Variants in FAM193A observed in about 807,000 individuals in gnomAD.
FAM193A encodes family with sequence similarity 193 member A.
In FAM193A, 22 loss-of-function variants were observed where a neutral mutation model predicts 126.5. That is an observed-to-expected ratio of 0.17 (90% CI 0.12 to 0.25). The LOEUF (loss-of-function observed/expected upper bound fraction) is 0.25. Among genes scored for constraint, FAM193A ranks in the 10% least tolerant of loss-of-function variants. The probability of loss-of-function intolerance (pLI) is 1.00; values close to 1 mark genes in which losing one functional copy is unlikely to be tolerated. For missense variants in FAM193A, 1,675 were observed against 1,672.8 expected (o/e 1.00, Z -0.02); for synonymous variants, 761 against 646.8 (o/e 1.18, Z -2.68).
intron 7 of FAM193A, among the ~76,000 whole-genome samples, chr4:2,650,848 C>T (rs1001717707): frequency 1.3e-5 from 2 of 152,192 alleles, no homozygotes; most frequent in African/African-American, 2.4e-5. Flanking sequence ...CCACGGTACA[C>T]TCTAATGGCA....
chr4:2,659,442 C>T (rs1202299741), intron 8 of FAM193A, 116 bp from the exon 9 acceptor site: 9 of 737,500 alleles, frequency 1.2e-5, no homozygotes, highest in East Asian at 5.4e-5. Context: ...GGTCCTGTCC[C>T]GCTGAGGAAG....
intron 19 of FAM193A, among the ~76,000 whole-genome samples, chr4:2,704,261 C>CAAA (rs958166050): frequency 1.1e-5 from 1 of 89,296 alleles, no homozygotes; most frequent in Admixed American, 1.3e-4. Context: ...GACTCCATCT[C>CAAA]AAAAAAAAAA....
intron 5 of FAM193A, among the ~76,000 whole-genome samples, chr4:2,635,916 TCA>T (rs1220591783): frequency 3.3e-5 from 5 of 152,208 alleles, no homozygotes; most frequent in African/African-American, 9.6e-5. Flanking sequence ...TCATCTGCAT[TCA>T]GTCTGTTGTC....
At chr4:2,625,014 C>T (rs924830211) in intron 2 of FAM193A, among the ~76,000 whole-genome samples, 14 of 152,162 alleles carry the variant, frequency 9.2e-5, no homozygotes, top group African/African-American at 3.1e-4. Flanking sequence ...GGCACCAACA[C>T]GCCCGGCCTA....
chr4:2,601,391 C>T (rs145079765), intron 2 of FAM193A, among the ~76,000 whole-genome samples: 1 of 151,732 alleles, frequency 6.6e-6, no homozygotes, highest in African/African-American at 2.4e-5. Flanking sequence ...TACCACCACA[C>T]CCAGCTAATT....
In FAM193A at chr4:2,685,121, A is replaced by C. The variant is rs146725146; in HGVS notation, c.2332-4385A>C. Among the ~76,000 whole-genome samples the C allele has an allele frequency of 9.7e-3, 1,474 of 152,240 alleles. 27 individuals carry two copies. Among genetic ancestry groups the C allele is most frequent in the Non-Finnish European group, 0.012 (845 of 68,018 alleles). ...TAGAAGTGAAGACAGGGATGTCTCT[A>C]AGTCTCCACTGAGAACTTTGCAGTG... On this transcript the variant is annotated intron_variant, in intron 13 of 20. Transcript: ENST00000637812.
chr4:2,623,817 C>T (rs1329730741), intron 2 of FAM193A, among the ~76,000 whole-genome samples: 3 of 152,154 alleles, frequency 2.0e-5, no homozygotes, highest in Non-Finnish European at 4.4e-5. Context: ...TAGTGCAATA[C>T]TCAAGACTTA....
At chr4:2,628,410 G>A (rs1332800875) in intron 4 of FAM193A, among the ~76,000 whole-genome samples, 5 of 152,188 alleles carry the variant, frequency 3.3e-5, no homozygotes, top group East Asian at 1.9e-4. Flanking sequence ...CCAGCACTTC[G>A]GGAGGATTGC....
intron 1 of FAM193A, among the ~76,000 whole-genome samples, chr4:2,557,097 C>T (rs1738304554): frequency 6.6e-6 from 1 of 152,016 alleles, no homozygotes; most frequent in Non-Finnish European, 1.5e-5. Flanking sequence ...GTACCTTTAC[C>T]ATAGGTAAAG....
At chr4:2,727,954 T>G (rs566002728) in intron 20 of FAM193A, among the ~76,000 whole-genome samples, 1 of 151,198 alleles carries the variant, frequency 6.6e-6, no homozygotes, top group Non-Finnish European at 1.5e-5. Context: ...TTTTATTTAT[T>G]TTTTTTTTGA....
chr4:2,721,700 A>G (rs1300201131), intron 20 of FAM193A, among the ~76,000 whole-genome samples: 4 of 152,212 alleles, frequency 2.6e-5, no homozygotes, highest in African/African-American at 9.6e-5. Context: ...TCCGGGGAGC[A>G]TAACTGTTAA....
intron 4 of FAM193A, among the ~76,000 whole-genome samples, chr4:2,626,972 G>T (rs1488951514): frequency 6.6e-6 from 1 of 151,978 alleles, no homozygotes; most frequent in African/African-American, 2.4e-5. Context: ...AAAAATGGGG[G>T]CTCTGTGAGG....
chr4:2,673,055 G>C (rs1322288379), intron 13 of FAM193A, among the ~76,000 whole-genome samples: 1 of 152,188 alleles, frequency 6.6e-6, no homozygotes, highest in Admixed American at 6.5e-5. Flanking sequence ...ACTTTACAGT[G>C]AAATTCTTAG....
chr4:2,570,235 TC>T (rs1337636272), intron 1 of FAM193A, among the ~76,000 whole-genome samples: 1 of 152,130 alleles, frequency 6.6e-6, no homozygotes, highest in Non-Finnish European at 1.5e-5. Context: ...AATCTGTACT[TC>T]CTTGAACAAA....
At chr4:2,621,667 A>C (rs759502012) in intron 2 of FAM193A, among the ~76,000 whole-genome samples, 7 of 152,112 alleles carry the variant, frequency 4.6e-5, no homozygotes, top group African/African-American at 1.2e-4. Context: ...TGCAGGCAAG[A>C]GGTAGGTGAT....
At chr4:2,569,293 C>G (rs910396960) in intron 1 of FAM193A, among the ~76,000 whole-genome samples, 3 of 151,836 alleles carry the variant, frequency 2.0e-5, no homozygotes, top group Non-Finnish European at 2.9e-5. Context: ...GCCAGCTGAT[C>G]GGAAACCCAC....
intron 13 of FAM193A, among the ~76,000 whole-genome samples, chr4:2,688,708 GA>G (rs1716026881): frequency 6.6e-6 from 1 of 152,272 alleles, no homozygotes; most frequent in Non-Finnish European, 1.5e-5. Flanking sequence ...GGACTGGGAA[GA>G]GTTCGTGGTG....
intron 13 of FAM193A, among the ~76,000 whole-genome samples, chr4:2,677,479 A>G (rs188007283): frequency 2.0e-5 from 3 of 151,636 alleles, no homozygotes; most frequent in African/African-American, 7.3e-5. Context: ...GGTGGCTTAC[A>G]CTTGTAATCC....
rs555704886 is a variant in FAM193A, at chr4:2,545,057, A to G, written c.255+7887A>G. Among the ~76,000 whole-genome samples the G allele has an allele frequency of 1.7e-4, 26 of 151,650 alleles. No homozygotes were observed. The South Asian group carries it at 5.2e-3, about 30-fold the overall frequency. ...ACCCAGGCTGGAGTGCAGTGGCGTG[A>G]TCTCGGCTCACTGCAACCTCTGCCT... On this transcript the variant is annotated intron_variant, in intron 1 of 20. Transcript: ENST00000637812.
Sources: allele counts gnomAD v4.1 joint callset (sites outside exome capture counted in the v4.1 genomes callset), GRCh38; gene constraint gnomAD v4.1.1; transcripts MANE v1.5; gene names NCBI Gene and HGNC (gene_info 2026-07-23, HGNC 2026-07-21).